The following UNC13C variants were observed in gnomAD, a reference collection of about 807,000 sequenced individuals.
UNC13C encodes protein unc-13 homolog C.
UNC13C carries 174 observed loss-of-function variants against 245.4 expected under a neutral mutation model. That is an observed-to-expected ratio of 0.71 (90% CI 0.63 to 0.80). The LOEUF (loss-of-function observed/expected upper bound fraction) is 0.80, where lower values mean the gene tolerates loss of function less well. UNC13C is among the 30% of genes least tolerant of loss of function. The pLI, the probability that UNC13C is intolerant of heterozygous loss-of-function variation, is 0.00. For synonymous variants in UNC13C, 992 were observed against 895.1 expected, an observed-to-expected ratio of 1.11 and a Z score of -1.93; for missense variants, 2,829 against 2,602.9, an observed-to-expected ratio of 1.09 and a Z score of -1.89.
chr15:54,151,573 T>G (rs2032518693), intron 4 of UNC13C, among the ~76,000 whole-genome samples: 1 of 152,084 alleles, frequency 6.6e-6, no homozygotes, highest in South Asian at 2.1e-4. Context: ...TGGCTAATTT[T>G]TTTGTATTTT....
intron 1 of UNC13C, among the ~76,000 whole-genome samples, chr15:53,979,219 A>G (rs12438938): frequency 0.12 from 18,934 of 152,190 alleles, 1,525 homozygotes; most frequent in East Asian, 0.3. Flanking sequence ...AATAGGGTTG[A>G]GATGAAAGGC....
chr15:53,950,427 A>ATTT, the UNC13C span, among the ~76,000 whole-genome samples: 10 of 148,036 alleles, frequency 6.8e-5, no homozygotes, highest in South Asian at 8.5e-4. Flanking sequence ...TAAAATAAAG[A>ATTT]TTTTTTTTTT....
At chr15:54,589,875 T>C (rs560626574) in intron 30 of UNC13C, among the ~76,000 whole-genome samples, 26 of 152,132 alleles carry the variant, frequency 1.7e-4, no homozygotes, top group South Asian at 1.7e-3. Context: ...ATCCTATATA[T>C]AGGAGGGTTT....
chr15:54,186,871 CAG>C (rs1005705743), intron 4 of UNC13C, among the ~76,000 whole-genome samples: 4 of 122,226 alleles, frequency 3.3e-5, no homozygotes, highest in Non-Finnish European at 7.6e-5. Context: ...TTTTTTGAGA[CAG>C]AGTCTTGCTC....
chr15:54,430,200 A>G (rs942447361), intron 19 of UNC13C, among the ~76,000 whole-genome samples: 1 of 151,594 alleles, frequency 6.6e-6, no homozygotes, highest in African/African-American at 2.4e-5. Flanking sequence ...TATTCATTCT[A>G]TTTTTTAAGT....
At chr15:54,190,204 A>T (rs1391730234) in intron 4 of UNC13C, among the ~76,000 whole-genome samples, 5 of 152,162 alleles carry the variant, frequency 3.3e-5, no homozygotes, top group Non-Finnish European at 7.3e-5. Context: ...AGCAAGCACA[A>T]CCAATTAAGT....
At chr15:53,883,147 G>A in the UNC13C span, among the ~76,000 whole-genome samples, 1 of 152,082 alleles carries the variant, frequency 6.6e-6, no homozygotes, top group African/African-American at 2.4e-5. Context: ...AGATTTAATA[G>A]TGAATCAGCA....
chr15:54,097,737 G>A (rs1710626296), intron 2 of UNC13C, among the ~76,000 whole-genome samples: 1 of 152,142 alleles, frequency 6.6e-6, no homozygotes, highest in Non-Finnish European at 1.5e-5. Flanking sequence ...GTCTGCAAAG[G>A]ATTTGAAATG....
At position 54,041,083 on chromosome 15, in the gene UNC13C, CTT is replaced by C. The variant is rs542968081; in HGVS notation, c.2983+25199_2983+25200del. ...AAGTTAGCTACACCAGAGCAGCAGA[CTT>C]TGTCTGTTTTGCTTATTAATGGATA... On this transcript the variant is annotated intron_variant, in intron 2 of 32. Transcript: ENST00000260323. Among the ~76,000 whole-genome samples, 5 of 152,278 alleles carry C rather than the reference CTT, an allele frequency of 3.3e-5. No homozygotes were observed. The East Asian group carries it at 9.7e-4, about 29-fold the overall frequency.
chr15:54,627,430 AGT>A lies in UNC13C; in HGVS notation c.*318_*319del, dbSNP rs1901255704. On this transcript the variant is annotated 3_prime_UTR_variant, in exon 33 of 33. Transcript: ENST00000260323. ...AACTAGTCTTTTGAGTTTGCCCATC[AGT>A]TGTCTTTGTTAAATGAGATTATATT... 5.0e-6 allele frequency: 1 copy of A among 198,298 alleles called. No homozygotes were observed. The highest frequency in any genetic ancestry group is 1.3e-4 in the South Asian group (1 of 7,528). 12.3% of individuals were successfully genotyped at this position (198,298 alleles called of 1,614,324 possible).
chr15:53,919,379 C>A, the UNC13C span, among the ~76,000 whole-genome samples: 1 of 152,170 alleles, frequency 6.6e-6, no homozygotes, highest in African/African-American at 2.4e-5. Context: ...TCCTAGGTGA[C>A]CATGTGTGCC....
intron 2 of UNC13C, among the ~76,000 whole-genome samples, chr15:54,064,003 G>T (rs147284980): frequency 6.6e-6 from 1 of 152,254 alleles, no homozygotes; most frequent in East Asian, 1.9e-4. Flanking sequence ...GGTGAAAACA[G>T]GAGATGGATT....
At chr15:53,837,972 T>C in the UNC13C span, among the ~76,000 whole-genome samples, 6 of 152,200 alleles carry the variant, frequency 3.9e-5, no homozygotes, top group Admixed American at 3.9e-4. Context: ...TTTAAACTTA[T>C]TTAGCTTAAT....
chr15:54,169,860 G>C (rs2033322213), intron 4 of UNC13C, among the ~76,000 whole-genome samples: 2 of 152,120 alleles, frequency 1.3e-5, no homozygotes, highest in South Asian at 4.1e-4. Flanking sequence ...CTGTCTCAGA[G>C]CAGCTGGTTC....
the UNC13C span, among the ~76,000 whole-genome samples, chr15:53,845,845 C>A: frequency 6.6e-6 from 1 of 152,128 alleles, no homozygotes; most frequent in Middle Eastern, 3.2e-3. Context: ...CAGGCAGCAT[C>A]ATTTTTCATT....
the UNC13C span, chr15:53,914,387 G>C: frequency 1.3e-5 from 2 of 152,268 alleles, no homozygotes; most frequent in Non-Finnish European, 2.9e-5. Context: ...GTGCACAAGA[G>C]ACATGGCTCT....
At chr15:54,155,496 T>G (rs1027342031) in intron 4 of UNC13C, among the ~76,000 whole-genome samples, 4 of 152,230 alleles carry the variant, frequency 2.6e-5, no homozygotes, top group African/African-American at 9.6e-5. Context: ...CAATAGAGTA[T>G]AATCATGTAT....
chr15:54,269,149 T>C lies in UNC13C; in HGVS notation c.3818+3653T>C, dbSNP rs573983696. Among the ~76,000 whole-genome samples the C allele has an allele frequency of 2.6e-5, 4 of 152,252 alleles. 1 individual carries two copies. The Middle Eastern group carries it at 0.014, about 518-fold the overall frequency. On this transcript the variant is annotated intron_variant, in intron 10 of 32. Coordinates refer to ENST00000260323, the MANE Select transcript of UNC13C (RefSeq NM_001080534.3). ...TTGGTTTCTATTCCTTGCACAATGA[T>C]TGGAAAACTCCCTCAAGGCAATAAG...
At chr15:53,975,130 A>G (rs763190485), upstream of UNC13C, among the ~76,000 whole-genome samples, 2 of 152,196 alleles carry the variant, frequency 1.3e-5, no homozygotes, top group Non-Finnish European at 2.9e-5. Context: ...AAAGTTACAT[A>G]CTGTCAATTC....
Sources: gnomAD v4.1 joint callset for allele counts (sites outside exome capture counted in the v4.1 genomes callset) on GRCh38, gnomAD v4.1.1 for gene constraint, MANE v1.5 for transcripts, NCBI Gene and HGNC (gene_info 2026-07-23, HGNC 2026-07-21) for gene names.